Variants in EXT1 observed in about 807,000 individuals in gnomAD.
EXT1 encodes exostosin glycosyltransferase 1.
EXT1 carries 20 observed loss-of-function variants against 82.5 expected under a neutral mutation model. The ratio of observed to expected loss-of-function variants is 0.24; its 90% confidence interval spans 0.17 to 0.35. EXT1 has a LOEUF of 0.35. Among genes scored for constraint, EXT1 ranks in the 10% least tolerant of loss-of-function variants. EXT1 has a pLI of 1.00. For synonymous variants in EXT1, 348 were observed against 350.8 expected (o/e 0.99, Z 0.09); for missense variants, 757 against 936.5 (o/e 0.81, Z 2.50).
intron 1 of EXT1, among the ~76,000 whole-genome samples, chr8:118,070,928 G>A (rs561050246): frequency 2.6e-5 from 4 of 152,230 alleles, no homozygotes; most frequent in East Asian, 1.9e-4. Context: ...TTAAGGATGC[G>A]ATTTGAATGT....
chr8:118,048,524 A>AT (rs1161590987), intron 1 of EXT1, among the ~76,000 whole-genome samples: 2 of 151,938 alleles, frequency 1.3e-5, no homozygotes, highest in African/African-American at 4.8e-5. Context: ...TTTCAAATCA[A>AT]TTTTTTTTCC....
At chr8:117,952,330 T>C (rs765261593) in intron 1 of EXT1, among the ~76,000 whole-genome samples, 1 of 152,264 alleles carries the variant, frequency 6.6e-6, no homozygotes, top group Non-Finnish European at 1.5e-5. Flanking sequence ...AGTTGGTTCA[T>C]ACTTGTTCAA....
Position 118,109,649 on chromosome 8 carries a change from A to G in EXT1, c.962+436T>C, listed in dbSNP as rs557200624. On this transcript the variant is annotated intron_variant, in intron 1 of 10. Transcript: ENST00000378204. ...GGGAAAGTAGGTACCCCCGCTCATG[A>G]GAAAAGCAAACAAAAGCATCACTCT... is the stretch of plus-strand genomic sequence containing the variant. Among the ~76,000 whole-genome samples the G allele has an allele frequency of 2.0e-5, 3 of 152,310 alleles. No homozygotes were observed. In the South Asian group the frequency reaches 6.2e-4, roughly 32 times the overall value.
chr8:117,976,162 C>T (rs915433886), intron 1 of EXT1, among the ~76,000 whole-genome samples: 9 of 152,172 alleles, frequency 5.9e-5, no homozygotes, highest in Non-Finnish European at 1.2e-4. Flanking sequence ...ATGAAAAATA[C>T]ACCCAGAAAA....
At chr8:118,040,603 C>T (rs1239451997) in intron 1 of EXT1, among the ~76,000 whole-genome samples, 1 of 152,216 alleles carries the variant, frequency 6.6e-6, no homozygotes, top group East Asian at 1.9e-4. Context: ...ACTGATATGT[C>T]TGTGGGACAC....
chr8:118,090,808 A>AAAAAAAAAC (rs1395780958), intron 1 of EXT1, among the ~76,000 whole-genome samples: 1 of 148,374 alleles, frequency 6.7e-6, no homozygotes, highest in African/African-American at 2.5e-5. Flanking sequence ...AAAAAAAAAA[A>AAAAAAAAAC]AGCATGTGCC....
chr8:118,005,702 A>C (rs1288572158), intron 1 of EXT1, among the ~76,000 whole-genome samples: 1 of 152,222 alleles, frequency 6.6e-6, no homozygotes, highest in Non-Finnish European at 1.5e-5. Context: ...GTCTTTTATG[A>C]TAATTGGCCC....
chr8:117,892,716 T>C (rs1180804814), intron 1 of EXT1, among the ~76,000 whole-genome samples: 2 of 152,116 alleles, frequency 1.3e-5, no homozygotes, highest in African/African-American at 4.8e-5. Context: ...CATGGTCCGG[T>C]GAGAGGTAAC....
chr8:118,067,498 G>C (rs1373977868), intron 1 of EXT1, among the ~76,000 whole-genome samples: 2 of 152,174 alleles, frequency 1.3e-5, no homozygotes, highest in African/African-American at 2.4e-5. Context: ...CTTGTCTAAT[G>C]AACTTTCCAG....
intron 1 of EXT1, among the ~76,000 whole-genome samples, chr8:117,889,789 A>T (rs771404336): frequency 3.9e-5 from 6 of 152,206 alleles, no homozygotes; most frequent in Non-Finnish European, 7.3e-5. Flanking sequence ...AATGTGCCAA[A>T]GTTATAAAAT....
chr8:118,090,808 A>AAAAAAAAAAC, intron 1 of EXT1, among the ~76,000 whole-genome samples: 2 of 148,372 alleles, frequency 1.3e-5, no homozygotes, highest in Non-Finnish European at 1.5e-5. Flanking sequence ...AAAAAAAAAA[A>AAAAAAAAAAC]AGCATGTGCC....
At chr8:117,973,881 GAAAGGAAGGAAAGGAAAGA>G (rs1815005950) in intron 1 of EXT1, among the ~76,000 whole-genome samples, 2 of 90,824 alleles carry the variant, frequency 2.2e-5, no homozygotes, top group South Asian at 8.3e-4. Context: ...GAAAGGAAAG[GAAAGGAAGGAAAGGAAAGA>G]AAAGGAAAGG....
chr8:117,817,269 A>T (rs1811838514), intron 7 of EXT1, among the ~76,000 whole-genome samples: 1 of 152,162 alleles, frequency 6.6e-6, no homozygotes, highest in Admixed American at 6.5e-5. Context: ...TGTCCTTGTG[A>T]CAGTTACAAT....
At chr8:117,893,654 G>A (rs1813286232) in intron 1 of EXT1, among the ~76,000 whole-genome samples, 1 of 152,128 alleles carries the variant, frequency 6.6e-6, no homozygotes, top group South Asian at 2.1e-4. Flanking sequence ...GGTGCCTTCC[G>A]CCTTTCGCTG....
At chr8:117,843,763 T>C (rs1405876009) in intron 1 of EXT1, among the ~76,000 whole-genome samples, 2 of 152,138 alleles carry the variant, frequency 1.3e-5, no homozygotes, top group Non-Finnish European at 2.9e-5. Context: ...GCAATTAAGT[T>C]TGGAGACCTC....
chr8:117,861,617 C>T (rs1182165972), intron 1 of EXT1, among the ~76,000 whole-genome samples: 1 of 140,916 alleles, frequency 7.1e-6, no homozygotes, highest in Non-Finnish European at 1.6e-5. Flanking sequence ...ACCTCAGCCT[C>T]CTGAGTAGCT....
intron 1 of EXT1, among the ~76,000 whole-genome samples, chr8:118,053,620 G>A (rs1362795390): frequency 6.6e-6 from 1 of 152,152 alleles, no homozygotes; most frequent in Non-Finnish European, 1.5e-5. Context: ...TCCAATAAAG[G>A]AGGAGTAATG....
At chr8:117,874,591 A>AAAAAAAAAAAAAAAAAAAAAAAC (rs1408516930) in intron 1 of EXT1, among the ~76,000 whole-genome samples, 1 of 151,142 alleles carries the variant, frequency 6.6e-6, no homozygotes, top group Non-Finnish European at 1.5e-5. Context: ...AAAAAAAAAA[A>AAAAAAAAAAAAAAAAAAAAAAAC]AAGAACAATC....
At chr8:118,014,628 TG>T (rs1394724844) in intron 1 of EXT1, among the ~76,000 whole-genome samples, 1 of 152,124 alleles carries the variant, frequency 6.6e-6, no homozygotes, top group Non-Finnish European at 1.5e-5. Context: ...TAAATAGAGA[TG>T]GAGTCTTGCT....
Sources: gnomAD v4.1 joint callset for allele counts (sites outside exome capture counted in the v4.1 genomes callset) on GRCh38, gnomAD v4.1.1 for gene constraint, MANE v1.5 for transcripts, NCBI Gene and HGNC (gene_info 2026-07-23, HGNC 2026-07-21) for gene names.